SLC22A23: variants seen among roughly 807,000 people sequenced by gnomAD.
SLC22A23 encodes the protein solute carrier family 22 member 23, also known as ion transporter protein.
A neutral mutation model predicts 61.0 loss-of-function variants in SLC22A23; 26 were observed. The observed-to-expected ratio is 0.43, with a 90% confidence interval of 0.31 to 0.59. The LOEUF (loss-of-function observed/expected upper bound fraction) is 0.59. Ranked by LOEUF, SLC22A23 falls within the 20% of genes least tolerant of loss-of-function variation. The pLI, the probability that SLC22A23 is intolerant of heterozygous loss-of-function variation, is 0.11. For missense variants in SLC22A23, 796 were observed against 934.7 expected (o/e 0.85, Z 1.94); for synonymous variants, 430 against 413.9 (o/e 1.04, Z -0.47).
At chr6:3,357,883 G>A (rs1002705771) in intron 3 of SLC22A23, among the ~76,000 whole-genome samples, 6 of 152,204 alleles carry the variant, frequency 3.9e-5, no homozygotes, top group African/African-American at 7.2e-5. Context: ...AGAAAGGGAC[G>A]AGGCCTGGGG....
At chr6:3,425,108 A>C (rs1770402598) in intron 1 of SLC22A23, among the ~76,000 whole-genome samples, 1 of 152,140 alleles carries the variant, frequency 6.6e-6, no homozygotes, top group Admixed American at 6.5e-5. Context: ...AATTTAATTT[A>C]AATAATTAAT....
Position 3,271,699 on chromosome 6 carries a change from G to C in SLC22A23, c.*1356C>G, listed in dbSNP as rs1400310832. On this transcript the variant is annotated 3_prime_UTR_variant, in exon 10 of 10. Coordinates refer to ENST00000406686, the MANE Select transcript of SLC22A23 (RefSeq NM_015482.2). Reference sequence around the variant, plus strand: ...ACAAAGTGGTGCCTGCCCTTGCCAAGGAGGCTGTCTCTTAGTCGCCTTGGG... The same window carrying C: ...ACAAAGTGGTGCCTGCCCTTGCCAACGAGGCTGTCTCTTAGTCGCCTTGGG... 1 of 152,346 alleles carries C rather than the reference G, an allele frequency of 6.6e-6. No homozygotes were observed. The highest frequency in any genetic ancestry group is 1.5e-5 in the Non-Finnish European group (1 of 68,040). The allele number at this position is 152,346 out of a possible 1,614,324, so 9.4% of individuals were successfully genotyped here. A position where few individuals can be genotyped will look rare whatever the true frequency, so the allele number is the denominator to read the frequency against.
rs923433123 is a variant in SLC22A23 at position 3,318,516 on chromosome 6, C to T, written c.1082+5318G>A. On this transcript the variant is annotated intron_variant, in intron 4 of 9. Transcript: ENST00000406686. The surrounding 1 kb of genome is among the most constrained non-coding windows in gnomAD (Gnocchi z 4.3). ...CCTCACCTGCTGCTCCCACAGAAACCGCAATAAAGGCTCCTGCCCACGTTT... is the reference window on the plus strand; with the variant it reads ...CCTCACCTGCTGCTCCCACAGAAACTGCAATAAAGGCTCCTGCCCACGTTT... Among the ~76,000 whole-genome samples, 2 of 152,164 alleles carry T rather than the reference C, an allele frequency of 1.3e-5. No homozygotes were observed. The highest frequency in any genetic ancestry group is 6.5e-5 in the Admixed American group (1 of 15,282).
intron 1 of SLC22A23, among the ~76,000 whole-genome samples, chr6:3,451,112 T>C (rs934794036): frequency 3.9e-5 from 6 of 152,248 alleles, no homozygotes; most frequent in African/African-American, 1.4e-4. Flanking sequence ...CATTGATTAT[T>C]GGCAAAAGTT....
intron 3 of SLC22A23, among the ~76,000 whole-genome samples, chr6:3,367,458 T>C (rs1216590180): frequency 2.0e-5 from 3 of 152,230 alleles, no homozygotes; most frequent in African/African-American, 7.2e-5. Flanking sequence ...TGTTCTCCCA[T>C]TGCCTTAGGA....
intron 1 of SLC22A23, among the ~76,000 whole-genome samples, chr6:3,436,523 C>T (rs1055577674): frequency 2.6e-5 from 4 of 152,190 alleles, no homozygotes; most frequent in African/African-American, 4.8e-5. Flanking sequence ...TCAAACTCTT[C>T]GCAGTCTTGT....
chr6:3,344,001 C>T (rs1014326042), intron 3 of SLC22A23, among the ~76,000 whole-genome samples: 1 of 152,188 alleles, frequency 6.6e-6, no homozygotes, highest in Non-Finnish European at 1.5e-5. Flanking sequence ...GGGAATGGTA[C>T]ACGAATTAGA....
chr6:3,429,567 A>C (rs1770725247), intron 1 of SLC22A23, among the ~76,000 whole-genome samples: 1 of 152,220 alleles, frequency 6.6e-6, no homozygotes, highest in Admixed American at 6.5e-5. Context: ...TAGACCCCCC[A>C]AAAGCAAAAG....
In SLC22A23 at chr6:3,448,638, C is replaced by T. The variant is rs550078122; in HGVS notation, c.654+7268G>A. On this transcript the variant is annotated intron_variant, in intron 1 of 9. Coordinates refer to ENST00000406686, the MANE Select transcript of SLC22A23 (RefSeq NM_015482.2). Reference sequence around the variant, plus strand: ...CCTCCCGAGTAGCTGGGACTACAGGCGCCCGCCACCACGCCCTCCTAATTT... The same window carrying T: ...CCTCCCGAGTAGCTGGGACTACAGGTGCCCGCCACCACGCCCTCCTAATTT... Among the ~76,000 whole-genome samples the T allele has an allele frequency of 6.6e-5, 10 of 152,270 alleles. No homozygotes were observed. In the South Asian group the frequency reaches 1.2e-3, roughly 19 times the overall value.
intron 1 of SLC22A23, chr6:3,444,764 T>A (rs1462259587): frequency 4.1e-6 from 4 of 980,956 alleles, no homozygotes. Context: ...AGGGTGCTTT[T>A]TGGTGGGGCT....
intron 3 of SLC22A23, among the ~76,000 whole-genome samples, chr6:3,357,036 A>G (rs1765148103): frequency 7.5e-6 from 1 of 133,174 alleles, no homozygotes; most frequent in Non-Finnish European, 1.6e-5. Flanking sequence ...ACAGCCTGGA[A>G]GAGAAAACCA....
intron 2 of SLC22A23, among the ~76,000 whole-genome samples, chr6:3,411,103 G>C (rs1769205079): frequency 6.6e-6 from 1 of 152,196 alleles, no homozygotes; most frequent in Admixed American, 6.5e-5. Context: ...TGTGCTTCTA[G>C]AGTGCCTGGG....
rs896985310 is a variant in SLC22A23, at chr6:3,456,028, C to T, written c.532G>A (p.Asp178Asn). The T allele has an allele frequency of 3.2e-6, 5 of 1,547,322 alleles. No homozygotes were observed. In the African/African-American group the frequency reaches 6.8e-5, roughly 21 times the overall value. The change falls in exon 1 of 10, where the codon GAC (aspartate) becomes AAC (asparagine). Residue 178 changes from aspartate to asparagine, a missense_variant. Coordinates refer to ENST00000406686, the MANE Select transcript of SLC22A23 (RefSeq NM_015482.2). The surrounding 1 kb of genome is among the most constrained non-coding windows in gnomAD (Gnocchi z 7.1). ...AGNRSNSSGA[D>N]GGDTPPLPSP... The stretch of plus-strand genomic sequence containing the variant: ...GGCAGGGGTGGTGTGTCGCCTCCGT[C>T]CGCGCCGCTGCTGTTGCTCCGGTTG...
rs942968641 is a variant in SLC22A23, at chr6:3,304,929, G to A, written c.1083-6711C>T. On this transcript the variant is annotated intron_variant, in intron 4 of 9. Coordinates refer to ENST00000406686, the MANE Select transcript of SLC22A23 (RefSeq NM_015482.2). This position sits in a 1 kb window ranked among gnomAD's most constrained non-coding sequence, Gnocchi z 4.3. ...GGGCCCAGGGAGTGGAAGATCCTGA[G>A]TGTTATGGGCTCTGATGAGCAGCAG... 2.0e-5 allele frequency among the ~76,000 whole-genome samples: 3 copies of A among 152,240 alleles called. No individual in the cohort carries two copies. The East Asian group carries it at 5.8e-4, about 29-fold the overall frequency.
rs562042351 is a variant in SLC22A23 at position 3,297,803 on chromosome 6, A to C, written c.1210+288T>G. ...GGCAGGCAGGTAGGCTATGGGCCAGACAGCCAGATATTCCCTTGAGCAGTG... is the reference window on the plus strand; with the variant it reads ...GGCAGGCAGGTAGGCTATGGGCCAGCCAGCCAGATATTCCCTTGAGCAGTG... On this transcript the variant is annotated intron_variant, in intron 5 of 9. Transcript: ENST00000406686. The surrounding 1 kb of genome is among the most constrained non-coding windows in gnomAD (Gnocchi z 4.3). Among the ~76,000 whole-genome samples, 7 of 152,340 alleles carry C rather than the reference A, an allele frequency of 4.6e-5. No individual in the cohort carries two copies. Among genetic ancestry groups the C allele is most frequent in the Non-Finnish European group, 1.0e-4 (7 of 68,028 alleles).
Position 3,328,296 on chromosome 6 carries a change from C to T in SLC22A23, c.914-4294G>A, listed in dbSNP as rs1305895942. Among the ~76,000 whole-genome samples, 2 of 152,000 alleles carry T rather than the reference C, an allele frequency of 1.3e-5. No individual in the cohort carries two copies. Among genetic ancestry groups the T allele is most frequent in the African/African-American group, 2.4e-5 (1 of 41,356 alleles). ...ACTAAGTCTGAGCACAGAGGCCGCC[C>T]GGAGGCTTTGATAGAAAAGTGGCAT... On this transcript the variant is annotated intron_variant, in intron 3 of 9. Transcript: ENST00000406686. The surrounding 1 kb of genome is among the most constrained non-coding windows in gnomAD (Gnocchi z 5.0).
chr6:3,377,641 G>C (rs9503570), intron 3 of SLC22A23, among the ~76,000 whole-genome samples: 1 of 146,694 alleles, frequency 6.8e-6, no homozygotes, highest in Admixed American at 6.9e-5. Flanking sequence ...TCCAAGTCTC[G>C]CACTGAACGT....
chr6:3,325,011 T>C (rs542945705), intron 3 of SLC22A23, among the ~76,000 whole-genome samples: 1 of 152,320 alleles, frequency 6.6e-6, no homozygotes, highest in East Asian at 1.9e-4. Context: ...CTACAGAGCA[T>C]GTACATTTAT....
chr6:3,442,405 A>T (rs1265874612), intron 1 of SLC22A23, among the ~76,000 whole-genome samples: 2 of 152,244 alleles, frequency 1.3e-5, no homozygotes, highest in Admixed American at 1.3e-4. Context: ...TGGCTAAAAT[A>T]GTACATTTTA....
Sources: allele counts gnomAD v4.1 joint callset (sites outside exome capture counted in the v4.1 genomes callset), GRCh38; gene constraint gnomAD v4.1.1; non-coding constraint Gnocchi (gnomAD v3.1); transcripts MANE v1.5; gene names NCBI Gene and HGNC (gene_info 2026-07-23, HGNC 2026-07-21).